The following SP100 variants were observed in gnomAD, a reference collection of about 807,000 sequenced individuals.
The protein encoded by SP100 is nuclear autoantigen Sp-100.
In SP100, 84 loss-of-function variants were observed where a neutral mutation model predicts 130.0. The observed-to-expected ratio is 0.65, with a 90% confidence interval of 0.54 to 0.77. The LOEUF is 0.77. Among genes scored for constraint, SP100 ranks in the 30% least tolerant of loss-of-function variants. The pLI is 0.00. For synonymous variants in SP100, 331 were observed against 351.7 expected (o/e 0.94, Z 0.66); for missense variants, 978 against 1,052.2 (o/e 0.93, Z 0.97).
At chr2:230,485,976 G>A (rs557995251) in intron 17 of SP100, among the ~76,000 whole-genome samples, 1 of 152,236 alleles carries the variant, frequency 6.6e-6, no homozygotes, top group South Asian at 2.1e-4. Context: ...TCTTCTAGTG[G>A]TTACAACTAG....
chr2:230,506,306 C>A lies in SP100; in HGVS notation c.1874C>A (p.Thr625Asn). 1 of 1,613,640 alleles carries A rather than the reference C, an allele frequency of 6.2e-7. No individual in the cohort carries two copies. The highest frequency in any genetic ancestry group is 8.5e-7 in the Non-Finnish European group (1 of 1,179,658). The stretch of plus-strand genomic sequence containing the variant: ...TCACTTTGCCTTGGTCTTACAGGAA[C>A]CTCAAAGAAGTGTATACAGAGTGAG... ...TLYKERFKQG[T>N]SKKCIQSEDK... The change falls in exon 22 of 29, where the codon ACC becomes AAC. Residue 625 changes from threonine to asparagine, a missense_variant. Coordinates refer to ENST00000340126, the MANE Select transcript of SP100 (RefSeq NM_001080391.2).
At chr2:230,423,987 T>C (rs187549431) in intron 2 of SP100, among the ~76,000 whole-genome samples, 5 of 152,314 alleles carry the variant, frequency 3.3e-5, no homozygotes, top group Admixed American at 3.3e-4. Flanking sequence ...AGTGCAATGA[T>C]TAAGAGTGTA....
Position 230,545,036 on chromosome 2 carries a change from G to A in SP100, c.*2090G>A, listed in dbSNP as rs1678184. On this transcript the variant is annotated 3_prime_UTR_variant, in exon 29 of 29. Transcript: ENST00000340126. ...GAAAGCAGTGTGGCAACTCCTCATA[G>A]TGCTAAAAGCAGAACTGCCATTCCA... Among the ~76,000 whole-genome samples, 25,777 of 152,184 alleles carry A rather than the reference G, an allele frequency of 0.17. 2,668 individuals carry two copies. Among genetic ancestry groups the A allele is most frequent in the Non-Finnish European group, 0.23 (15,971 of 67,982 alleles).
rs978749522 is a variant in SP100 at position 230,539,198 on chromosome 2, A to T, written c.2095-69A>T. The stretch of plus-strand genomic sequence containing the variant: ...ATTTACAAGTGTGCCCTTGATACAT[A>T]AAAAGGTCACATATTCTAGGGTCCA... On this transcript the variant is annotated intron_variant, in intron 24 of 28. Coordinates refer to ENST00000340126, the MANE Select transcript of SP100 (RefSeq NM_001080391.2). 32 of 918,772 alleles carry T rather than the reference A, an allele frequency of 3.5e-5. No homozygotes were observed. The African/African-American group carries it at 4.6e-4, about 13-fold the overall frequency. The allele number at this position is 918,772 out of a possible 1,614,324, so 56.9% of individuals were successfully genotyped here.
chr2:230,466,151 C>A, intron 11 of SP100, 150 bp from the exon 12 acceptor site: 1 of 507,212 alleles, frequency 2.0e-6, no homozygotes, highest in Non-Finnish European at 3.5e-6. Context: ...CACCACTGCA[C>A]TCCAGCCTGG....
At position 230,544,119 on chromosome 2, in the gene SP100, T is replaced by G. The variant is rs1692256206; in HGVS notation, c.*1173T>G. On this transcript the variant is annotated 3_prime_UTR_variant, in exon 29 of 29. Transcript: ENST00000340126. ...AGAAGATTGAAGCTAGACCTCTTCC[T>G]TACACCATATACAAAAATCAACTCA... 1 of 152,140 alleles carries G rather than the reference T, an allele frequency of 6.6e-6. No individual in the cohort carries two copies. Among genetic ancestry groups the G allele is most frequent in the Non-Finnish European group, 1.5e-5 (1 of 68,022 alleles). The allele number at this position is 152,140 out of a possible 1,614,324, so 9.4% of individuals were successfully genotyped here.
chr2:230,481,557 G>A lies in SP100; in HGVS notation c.1600+7110G>A, dbSNP rs764465909. ...CCTATTATCTTGCATGTGGAATACC[G>A]CAGAGTCCTCCTAAATGGTCTCTCT... On this transcript the variant is annotated intron_variant, in intron 17 of 28. Coordinates refer to ENST00000340126, the MANE Select transcript of SP100 (RefSeq NM_001080391.2). 2.6e-4 allele frequency among the ~76,000 whole-genome samples: 39 copies of A among 152,104 alleles called. 1 individual carries two copies. Among genetic ancestry groups the A allele is most frequent in the Non-Finnish European group, 1.0e-4 (7 of 68,026 alleles).
At chr2:230,440,742 C>A (rs576964913) in intron 2 of SP100, among the ~76,000 whole-genome samples, 263 of 152,116 alleles carry the variant, frequency 1.7e-3, no homozygotes, top group African/African-American at 6.1e-3. Flanking sequence ...AAAATCCAAG[C>A]CAATCTTTTC....
intron 8 of SP100, among the ~76,000 whole-genome samples, chr2:230,456,073 T>C (rs2064261979): frequency 6.6e-6 from 1 of 152,352 alleles, no homozygotes; most frequent in South Asian, 2.1e-4. Context: ...AGCTTGAGCA[T>C]TTCTTGTAAG....
chr2:230,535,360 C>G (rs1691888529), intron 24 of SP100, among the ~76,000 whole-genome samples: 2 of 152,170 alleles, frequency 1.3e-5, no homozygotes, highest in Non-Finnish European at 2.9e-5. Flanking sequence ...CTGATACATT[C>G]ATAAAATTTA....
intron 12 of SP100, among the ~76,000 whole-genome samples, chr2:230,466,605 T>C (rs1470977175): frequency 6.6e-6 from 1 of 152,186 alleles, no homozygotes; most frequent in South Asian, 2.1e-4. Flanking sequence ...ATTTTTTTAG[T>C]AGAAGTTTGT....
At chr2:230,432,085 T>C (rs2063115471) in intron 2 of SP100, among the ~76,000 whole-genome samples, 1 of 152,218 alleles carries the variant, frequency 6.6e-6, no homozygotes, top group Non-Finnish European at 1.5e-5. Context: ...CAATATACTT[T>C]CTATCTCTGT....
At chr2:230,471,855 A>G (rs1255554501) in intron 15 of SP100, among the ~76,000 whole-genome samples, 1 of 152,184 alleles carries the variant, frequency 6.6e-6, no homozygotes, top group Non-Finnish European at 1.5e-5. Flanking sequence ...AAGGAATTCA[A>G]ATATTCCAGG....
intron 14 of SP100, among the ~76,000 whole-genome samples, 182 bp downstream of exon 14, chr2:230,469,278 C>G (rs574343131): frequency 1.3e-5 from 2 of 152,202 alleles, no homozygotes; most frequent in Admixed American, 1.3e-4. Context: ...TCAAAATGTT[C>G]AAAGGCACAA....
At chr2:230,530,779 T>C (rs1336077733) in intron 24 of SP100, among the ~76,000 whole-genome samples, 2 of 152,160 alleles carry the variant, frequency 1.3e-5, no homozygotes, top group South Asian at 2.1e-4. Flanking sequence ...CAGACACTTT[T>C]CAAAAGAAGA....
intron 24 of SP100, among the ~76,000 whole-genome samples, chr2:230,522,438 T>C (rs1347439724): frequency 6.6e-6 from 1 of 151,652 alleles, no homozygotes; most frequent in Non-Finnish European, 1.5e-5. Flanking sequence ...CTGGTTAGTA[T>C]GTGATGTTCT....
chr2:230,531,085 T>A (rs1691677991), intron 24 of SP100, among the ~76,000 whole-genome samples: 1 of 152,154 alleles, frequency 6.6e-6, no homozygotes, highest in Admixed American at 6.5e-5. Flanking sequence ...ACCCAAAGGA[T>A]TATAAATCAT....
chr2:230,492,552 C>T (rs907399144), intron 17 of SP100, among the ~76,000 whole-genome samples: 2 of 152,164 alleles, frequency 1.3e-5, no homozygotes, highest in African/African-American at 4.8e-5. Flanking sequence ...GCGATCTTTC[C>T]ACCTATGCTT....
chr2:230,436,542 C>T (rs1203282955), intron 2 of SP100, among the ~76,000 whole-genome samples: 1 of 152,158 alleles, frequency 6.6e-6, no homozygotes, highest in African/African-American at 2.4e-5. Flanking sequence ...AAGAAGGTGC[C>T]TTGGTTCCCC....
Sources: gnomAD v4.1 joint callset for allele counts (sites outside exome capture counted in the v4.1 genomes callset) on GRCh38, gnomAD v4.1.1 for gene constraint, MANE v1.5 for transcripts, NCBI Gene and HGNC (gene_info 2026-07-23, HGNC 2026-07-21) for gene names.